The following RANBP2 variants were observed in gnomAD, a reference collection of about 807,000 sequenced individuals.
RANBP2 encodes RAN binding protein 2.
In RANBP2, 57 loss-of-function variants were observed where a neutral mutation model predicts 303.6. That is an observed-to-expected ratio of 0.19 (90% CI 0.15 to 0.23). RANBP2 has a LOEUF of 0.23. Among genes scored for constraint, RANBP2 ranks in the 10% least tolerant of loss-of-function variants. The pLI, the probability that RANBP2 is intolerant of heterozygous loss-of-function variation, is 1.00. For synonymous variants in RANBP2, 1,167 were observed against 1,301.5 expected (o/e 0.90, Z 2.23); for missense variants, 3,138 against 3,780.8 (o/e 0.83, Z 4.46).
the RANBP2 span, among the ~76,000 whole-genome samples, chr2:109,707,271 C>T: frequency 6.6e-6 from 1 of 152,122 alleles, no homozygotes; most frequent in East Asian, 1.9e-4. Flanking sequence ...CCTTTAGAGC[C>T]TGTAGCACAA....
chr2:108,730,818 C>G lies in RANBP2; in HGVS notation c.185C>G (p.Ala62Gly). ...AATGTGCAAGAGAGGGATCCCAAAG[C>G]TCACAGATTTCTGGGTCTTCTTTAT... The part of the protein sequence containing the change: ...YINVQERDPK[A>G]HRFLGLLYEL... Residue 62 changes from alanine to glycine, a missense_variant, in exon 3 of 29, where the codon GCT (alanine) becomes GGT (glycine). Around this residue, in one of 20 missense-constraint regions of RANBP2, gnomAD observed 306 missense variants for 381.9 expected, o/e 0.80. Coordinates refer to ENST00000283195, the MANE Select transcript of RANBP2 (RefSeq NM_006267.5). The G allele has an allele frequency of 1.2e-6, 2 of 1,611,616 alleles. No homozygotes were observed. The highest frequency in any genetic ancestry group is 1.1e-5 in the South Asian group (1 of 90,982).
the RANBP2 span, among the ~76,000 whole-genome samples, chr2:109,259,135 A>G: frequency 6.6e-6 from 1 of 152,258 alleles, no homozygotes; most frequent in African/African-American, 2.4e-5. Flanking sequence ...TAGCTGCAAC[A>G]TGCCACGCGG....
At chr2:109,659,519 G>A in the RANBP2 span, among the ~76,000 whole-genome samples, 2 of 152,268 alleles carry the variant, frequency 1.3e-5, no homozygotes, top group African/African-American at 4.8e-5. Flanking sequence ...CAGGTGGTCA[G>A]TGGTTCGCAT....
the RANBP2 span, among the ~76,000 whole-genome samples, chr2:109,709,117 A>G: frequency 6.6e-6 from 1 of 151,836 alleles, no homozygotes; most frequent in Non-Finnish European, 1.5e-5. Flanking sequence ...AGCCTGACCA[A>G]CATGGAGAAA....
chr2:109,311,979 T>C, the RANBP2 span, among the ~76,000 whole-genome samples: 1 of 152,072 alleles, frequency 6.6e-6, no homozygotes, highest in East Asian at 1.9e-4. Flanking sequence ...GGCTGTGTGG[T>C]GGTGAGGTCG....
Position 108,748,931 on chromosome 2 carries a change from C to T in RANBP2, c.1075C>T (p.Leu359=), listed in dbSNP as rs1338049701. Residue 359 remains leucine, a synonymous_variant, in exon 9 of 29, where the codon CTA becomes TTA. Coordinates refer to ENST00000283195, the MANE Select transcript of RANBP2 (RefSeq NM_006267.5). ...AATTTTTTTTTCAGGGCACATGTTG[C>T]TAAACTTAAGTCGTGGCAAGCAAGA... ...DRLSQSGHML[L]NLSRGKQDFL... The T allele has an allele frequency of 1.2e-6, 2 of 1,611,782 alleles. No homozygotes were observed. The highest frequency in any genetic ancestry group is 1.7e-6 in the Non-Finnish European group (2 of 1,179,854).
the RANBP2 span, among the ~76,000 whole-genome samples, chr2:108,868,263 T>C: frequency 6.6e-6 from 1 of 152,246 alleles, no homozygotes; most frequent in Non-Finnish European, 1.5e-5. Context: ...TAGTATAGTA[T>C]TGGTGCAGGG....
the RANBP2 span, among the ~76,000 whole-genome samples, chr2:109,418,935 GC>G: frequency 2.6e-5 from 4 of 152,000 alleles, no homozygotes; most frequent in African/African-American, 7.2e-5. Flanking sequence ...TCCTCCCTCG[GC>G]CCCCCCACTG....
chr2:109,317,404 CT>C, the RANBP2 span, among the ~76,000 whole-genome samples: 2 of 152,106 alleles, frequency 1.3e-5, no homozygotes, highest in African/African-American at 4.8e-5. Flanking sequence ...CTCTTTTTCC[CT>C]GTTAGCGCTC....
chr2:109,663,199 A>G, the RANBP2 span, among the ~76,000 whole-genome samples: 12 of 152,176 alleles, frequency 7.9e-5, no homozygotes, highest in Non-Finnish European at 1.2e-4. Context: ...ATTCATATTC[A>G]TTCATTAGAG....
chr2:109,635,349 A>T, the RANBP2 span, among the ~76,000 whole-genome samples: 2 of 152,112 alleles, frequency 1.3e-5, no homozygotes, highest in African/African-American at 2.4e-5. Flanking sequence ...TGCCCGACTA[A>T]TTATTGTAAT....
chr2:109,670,637 T>C, the RANBP2 span, among the ~76,000 whole-genome samples: 8 of 152,290 alleles, frequency 5.3e-5, no homozygotes, highest in South Asian at 2.1e-4. Flanking sequence ...CTCGTTCTGC[T>C]GCTGCTGCTC....
the RANBP2 span, among the ~76,000 whole-genome samples, chr2:109,179,059 C>T: frequency 7.6e-6 from 1 of 131,026 alleles, no homozygotes; most frequent in Non-Finnish European, 1.7e-5. Flanking sequence ...GAATGAGAGT[C>T]TGTAAGTAAA....
the RANBP2 span, among the ~76,000 whole-genome samples, chr2:109,650,802 G>A: frequency 1.3e-5 from 2 of 152,096 alleles, no homozygotes; most frequent in Non-Finnish European, 2.9e-5. Flanking sequence ...ATGATTGTGA[G>A]GCCTCCCAGC....
the RANBP2 span, among the ~76,000 whole-genome samples, chr2:109,488,208 G>A: frequency 6.6e-6 from 1 of 152,182 alleles, no homozygotes; most frequent in Non-Finnish European, 1.5e-5. Flanking sequence ...TAGCACTGAT[G>A]ACATTTGAGG....
the RANBP2 span, among the ~76,000 whole-genome samples, chr2:108,944,950 T>TCAAA: frequency 6.6e-6 from 1 of 152,170 alleles, no homozygotes; most frequent in African/African-American, 2.4e-5. Context: ...TGTCCCTGCT[T>TCAAA]GGATGTTTCC....
chr2:108,752,928 C>T, intron 12 of RANBP2, 70 bp from the exon 13 acceptor site: 1 of 1,606,838 alleles, frequency 6.2e-7, no homozygotes, highest in South Asian at 1.1e-5. Context: ...GTTCTTTCAA[C>T]TTGTAAATGA....
chr2:109,506,314 G>C, the RANBP2 span, among the ~76,000 whole-genome samples: 3 of 152,228 alleles, frequency 2.0e-5, no homozygotes, highest in African/African-American at 7.2e-5. Flanking sequence ...CGGGAGAAAG[G>C]CTCCATGGCC....
chr2:108,848,685 T>G, the RANBP2 span, among the ~76,000 whole-genome samples: 2 of 152,186 alleles, frequency 1.3e-5, no homozygotes, highest in Non-Finnish European at 2.9e-5. Flanking sequence ...ATGCGATGAT[T>G]TATAACAAGT....
Sources: allele counts gnomAD v4.1 joint callset (sites outside exome capture counted in the v4.1 genomes callset), GRCh38; gene constraint gnomAD v4.1.1; regional missense constraint gnomAD v4.1.1; transcripts MANE v1.5; gene names NCBI Gene and HGNC (gene_info 2026-07-23, HGNC 2026-07-21).